MAP3K15: variants seen among roughly 807,000 people sequenced by gnomAD.
The protein encoded by MAP3K15 is mitogen-activated protein kinase kinase kinase 15.
In MAP3K15, 124 loss-of-function variants were observed where a neutral mutation model predicts 99.5. The observed-to-expected ratio is 1.25, with a 90% CI of 1.08 to 1.45. MAP3K15 has a LOEUF of 1.45. Ranked by LOEUF, MAP3K15 falls within the 40% of genes most tolerant of loss-of-function variation. The pLI is 0.00. For missense variants in MAP3K15, 1,242 were observed against 1,079.7 expected (o/e 1.15, Z -2.11); for synonymous variants, 494 against 439.6 (o/e 1.12, Z -1.55).
chrX:19,401,125 C>T (rs2063605166), intron 13 of MAP3K15, among the ~76,000 whole-genome samples: 1 of 111,578 alleles, frequency 9.0e-6, no homozygotes, highest in African/African-American at 3.3e-5. Context: ...TGTCCCATCA[C>T]TGTTTTCCCC....
At chrX:19,378,659 G>C (rs1467921547) in intron 19 of MAP3K15, among the ~76,000 whole-genome samples, 2 of 111,468 alleles carry the variant, frequency 1.8e-5, no homozygotes, top group Admixed American at 1.9e-4. Flanking sequence ...TTTGGGTGGG[G>C]ACATGGCCAA....
chrX:19,465,209 T>C (rs2064157881), intron 3 of MAP3K15, among the ~76,000 whole-genome samples: 1 of 111,535 alleles, frequency 9.0e-6, no homozygotes, highest in East Asian at 2.8e-4. Flanking sequence ...TTCGTATTTT[T>C]ACGTGTCCTG....
intron 9 of MAP3K15, among the ~76,000 whole-genome samples, chrX:19,418,099 G>A (rs993583693): frequency 1.8e-5 from 2 of 111,736 alleles, no homozygotes; most frequent in Non-Finnish European, 3.8e-5. Context: ...GGAAGAAACA[G>A]AGCAGAAAAA....
chrX:19,409,835 T>C, intron 12 of MAP3K15, 89 bp downstream of exon 12: 2 of 732,068 alleles, frequency 2.7e-6, no homozygotes, highest in Admixed American at 2.7e-5. Flanking sequence ...GAACATTCCA[T>C]ATTATGAGTA....
rs867308617 is a variant in MAP3K15, at chrX:19,442,723, T to C, written c.996-11115A>G. On this transcript the variant is annotated intron_variant, in intron 6 of 28. Coordinates refer to ENST00000338883, the MANE Select transcript of MAP3K15 (RefSeq NM_001001671.4). ...TTATTATTATTATTATTATCATTATTATTATTATTATTATTTTGAGATGGA... is the reference window on the plus strand; with the variant it reads ...TTATTATTATTATTATTATCATTATCATTATTATTATTATTTTGAGATGGA... Among the ~76,000 whole-genome samples the C allele has an allele frequency of 4.6e-3, 412 of 90,120 alleles. 10 individuals are homozygous for C. The highest frequency in any genetic ancestry group is 0.021 in the African/African-American group (390 of 18,662). 78.3% of individuals were successfully genotyped at this position (90,120 alleles called of 115,157 possible).
intron 13 of MAP3K15, among the ~76,000 whole-genome samples, chrX:19,402,552 C>T (rs188619725): frequency 9.0e-6 from 1 of 111,550 alleles, no homozygotes; most frequent in Admixed American, 9.6e-5. Context: ...TCATAATAAC[C>T]CCCAAACAGA....
intron 24 of MAP3K15, 37 bp downstream of exon 24, chrX:19,370,922 G>A: frequency 1.0e-6 from 1 of 1,004,718 alleles, no homozygotes; most frequent in Non-Finnish European, 1.4e-6. Context: ...TCTTTTCACG[G>A]CCTAAAGCTG....
At chrX:19,433,833 G>A (rs1257722684) in intron 6 of MAP3K15, among the ~76,000 whole-genome samples, 1 of 112,044 alleles carries the variant, frequency 8.9e-6, no homozygotes, top group Non-Finnish European at 1.9e-5. Flanking sequence ...TTTGAACAAA[G>A]ATGTTTGTTA....
At chrX:19,411,016 T>C (rs921777486) in intron 11 of MAP3K15, among the ~76,000 whole-genome samples, 1 of 110,165 alleles carries the variant, frequency 9.1e-6, no homozygotes, top group Non-Finnish European at 1.9e-5. Flanking sequence ...AAACCCCGTC[T>C]CTACTAAAAA....
intron 3 of MAP3K15, among the ~76,000 whole-genome samples, chrX:19,475,089 G>A (rs1451241593): frequency 9.1e-6 from 1 of 110,382 alleles, no homozygotes; most frequent in East Asian, 2.8e-4. Context: ...AATATATAAT[G>A]AAATAATTAT....
At chrX:19,384,759 A>G (rs2063483420) in intron 18 of MAP3K15, among the ~76,000 whole-genome samples, 5 of 100,590 alleles carry the variant, frequency 5.0e-5, no homozygotes, top group African/African-American at 1.8e-4. Flanking sequence ...GAAAAAAAAA[A>G]AAAAAAAAAA....
At chrX:19,468,458 G>C (rs1274231815) in intron 3 of MAP3K15, among the ~76,000 whole-genome samples, 1 of 112,068 alleles carries the variant, frequency 8.9e-6, no homozygotes, top group Non-Finnish European at 1.9e-5. Flanking sequence ...AGTTGTGTAA[G>C]ACCAATACAG....
chrX:19,369,106 G>A lies in MAP3K15; in HGVS notation c.3514C>T (p.His1172Tyr), dbSNP rs1164149506. Residue 1172 changes from histidine to tyrosine, a missense_variant, in exon 25 of 29, where the codon CAC (histidine) becomes TAC (tyrosine). Coordinates refer to ENST00000338883, the MANE Select transcript of MAP3K15 (RefSeq NM_001001671.4). ...AGCTGGAGGCTCAGGTGCTGCTGGT[G>A]GGGCTGGGCCTCCTGGCCAGGTCCG... Reference protein sequence around the residue: ...ATGPGQEAQPHQQHLSLQLGE... With the variant: ...ATGPGQEAQPYQQHLSLQLGE... 8.3e-7 allele frequency: 1 copy of A among 1,209,727 alleles called. No individual in the cohort carries two copies. The highest frequency in any genetic ancestry group is 1.7e-5 in the African/African-American group (1 of 57,801).
At chrX:19,478,304 G>T (rs1029821098) in intron 3 of MAP3K15, among the ~76,000 whole-genome samples, 2 of 101,522 alleles carry the variant, frequency 2.0e-5, no homozygotes, top group Non-Finnish European at 4.0e-5. Context: ...TAGCTTTCTT[G>T]TTTGAAATTG....
chrX:19,515,142 C>T lies in MAP3K15; in HGVS notation c.120G>A (p.Ala40=). 3.8e-6 allele frequency: 3 copies of T among 795,525 alleles called. No individual in the cohort carries two copies. The highest frequency in any genetic ancestry group is 2.2e-5 in the African/African-American group (1 of 44,526). The allele number at this position is 795,525 out of a possible 1,213,427, so 65.6% of individuals were successfully genotyped here. A position where few individuals can be genotyped will look rare whatever the true frequency, so the allele number is the denominator to read the frequency against. The change falls in exon 1 of 29, where the codon GCG becomes GCA. Residue 40 remains alanine (A), a synonymous_variant. Transcript: ENST00000338883. ...CGCTGCCGCCTGCCGCGCCCTCCGC[C>T]GCCCCGTCGGGCTCCGCCGGCCCGG... ...GAAGPAEPDG[A]AEGAAGGSGE...
chrX:19,382,572 T>G (rs1180256949), intron 18 of MAP3K15, among the ~76,000 whole-genome samples: 1 of 112,374 alleles, frequency 8.9e-6, no homozygotes, highest in African/African-American at 3.2e-5. Flanking sequence ...TGAATTGGGT[T>G]GTATCAGTGA....
At chrX:19,382,222 C>A (rs1026970994) in intron 18 of MAP3K15, among the ~76,000 whole-genome samples, 1 of 87,099 alleles carries the variant, frequency 1.1e-5, no homozygotes, top group Non-Finnish European at 2.1e-5. Context: ...CCAGCCTTGG[C>A]GACAGAGCGA....
intron 3 of MAP3K15, among the ~76,000 whole-genome samples, chrX:19,481,656 A>G (rs568104328): frequency 2.7e-5 from 3 of 112,121 alleles, no homozygotes; most frequent in South Asian, 7.4e-4. Context: ...ACTATGAATG[A>G]CCAATCAGCA....
chrX:19,366,689 G>A (rs1256262569), intron 25 of MAP3K15, among the ~76,000 whole-genome samples: 1 of 111,894 alleles, frequency 8.9e-6, no homozygotes, highest in African/African-American at 3.3e-5. Flanking sequence ...CAGCCTCGTG[G>A]AACTGTAAGT....
Sources: allele counts gnomAD v4.1 joint callset (sites outside exome capture counted in the v4.1 genomes callset), GRCh38; gene constraint gnomAD v4.1.1; transcripts MANE v1.5; gene names NCBI Gene and HGNC (gene_info 2026-07-23, HGNC 2026-07-21).